The following GABBR1 variants were observed in gnomAD, a reference collection of about 807,000 sequenced individuals.
GABBR1 encodes gamma-aminobutyric acid type B receptor subunit 1.
GABBR1 carries 35 observed loss-of-function variants against 117.7 expected under a neutral mutation model. The ratio of observed to expected loss-of-function variants is 0.30; its 90% CI spans 0.23 to 0.39. The LOEUF is 0.39. GABBR1 is among the 10% of genes least tolerant of loss of function. The pLI is 1.00. For synonymous variants in GABBR1, 442 were observed against 486.6 expected (o/e 0.91, Z 1.21); for missense variants, 709 against 1,241.8 (o/e 0.57, Z 6.45).
Position 29,612,612 on chromosome 6 carries a change from G to A in GABBR1, c.1569C>T (p.Gly523=), listed in dbSNP as rs774160632. 6.8e-6 allele frequency: 11 copies of A among 1,613,598 alleles called. No individual in the cohort carries two copies. In the African/African-American group the frequency reaches 1.2e-4, roughly 18 times the overall value. ...AGCCGCTGGCATCAAACACCACATG[G>A]CCCTGAGGGAAGGAACATGTGGAGC... The part of the protein sequence containing the change: ...MNSSSFEGVS[G]HVVFDASGSR... The change falls in exon 13 of 23, where the codon GGC becomes GGT. Residue 523 remains glycine, a splice_region_variant and synonymous_variant. Coordinates refer to ENST00000377034, the MANE Select transcript of GABBR1 (RefSeq NM_001470.4).
Position 29,622,248 on chromosome 6 carries a change from A to G in GABBR1, c.964-43T>C. ...AACAAGTTGGAAAAACACGGGGTGC[A>G]TGAGGGAATAAAGACCAGAGAGGTT... On this transcript the variant is annotated intron_variant, in intron 8 of 22. Coordinates refer to ENST00000377034, the MANE Select transcript of GABBR1 (RefSeq NM_001470.4). The surrounding 1 kb of genome is among the most constrained non-coding windows in gnomAD (Gnocchi z 4.6). 7.6e-7 allele frequency: 1 copy of G among 1,323,916 alleles called. No individual in the cohort carries two copies. Among genetic ancestry groups the G allele is most frequent in the Non-Finnish European group, 1.1e-6 (1 of 917,998 alleles). The allele number at this position is 1,323,916 out of a possible 1,614,324, so 82.0% of individuals were successfully genotyped here.
chr6:29,623,410 C>A lies in GABBR1; in HGVS notation c.858G>T (p.Thr286=). 1 of 1,613,946 alleles carries A rather than the reference C, an allele frequency of 6.2e-7. No individual in the cohort carries two copies. Among genetic ancestry groups the A allele is most frequent in the Non-Finnish European group, 8.5e-7 (1 of 1,179,980 alleles). ...GGTTGTGGAGTGTGGCTGATGGGTG[C>A]GTTCGGAAGAAAGTGGGGAAACGCT... The part of the protein sequence containing the change: ...NRQRFPTFFR[T]HPSATLHNPT... The change falls in exon 8 of 23, where the codon ACG becomes ACT. Residue 286 remains threonine (T), a synonymous_variant. Coordinates refer to ENST00000377034, the MANE Select transcript of GABBR1 (RefSeq NM_001470.4). The surrounding 1 kb of genome is among the most constrained non-coding windows in gnomAD (Gnocchi z 6.2).
At position 29,608,332 on chromosome 6, in the gene GABBR1, C is replaced by A. The variant is rs1762169408; in HGVS notation, c.1992+269G>T. On this transcript the variant is annotated intron_variant, in intron 16 of 22. Coordinates refer to ENST00000377034, the MANE Select transcript of GABBR1 (RefSeq NM_001470.4). ...CCTTTGAGCAGATCCCCTTCCTTTG[C>A]CTTCAATGGCTCCCTCCTCTTCTCT... 4 of 369,488 alleles carry A rather than the reference C, an allele frequency of 1.1e-5. No homozygotes were observed. The South Asian group carries it at 1.4e-4, about 13-fold the overall frequency. The allele number at this position is 369,488 out of a possible 1,614,324, so 22.9% of individuals were successfully genotyped here. A position where few individuals can be genotyped will look rare whatever the true frequency, so the allele number is the denominator to read the frequency against.
Position 29,605,941 on chromosome 6 carries a change from G to T in GABBR1, c.2312-245C>A, listed in dbSNP as rs1761908185. On this transcript the variant is annotated intron_variant, in intron 19 of 22. Coordinates refer to ENST00000377034, the MANE Select transcript of GABBR1 (RefSeq NM_001470.4). The surrounding 1 kb of genome is among the most constrained non-coding windows in gnomAD (Gnocchi z 4.2). The stretch of plus-strand genomic sequence containing the variant: ...AAGCAATGGTGGCAAGCTGCTGTCA[G>T]TCAGGCAAGGGCTTGTTGAATATCT... 1 of 578,372 alleles carries T rather than the reference G, an allele frequency of 1.7e-6. No individual in the cohort carries two copies. The highest frequency in any genetic ancestry group is 2.1e-5 in the South Asian group (1 of 47,338). The allele number at this position is 578,372 out of a possible 1,614,324, so 35.8% of individuals were successfully genotyped here. A position where few individuals can be genotyped will look rare whatever the true frequency, so the allele number is the denominator to read the frequency against.
At position 29,627,884 on chromosome 6, in the gene GABBR1, C is replaced by T. The variant is rs1764488507; in HGVS notation, c.497-238G>A. On this transcript the variant is annotated intron_variant, in intron 5 of 22. Transcript: ENST00000377034. This position sits in a 1 kb window ranked among gnomAD's most constrained non-coding sequence, Gnocchi z 4.4. ...GGCTGCTAAGAGGGTGCCGGGGAGGCGCCTCCATCCCTGATTTTGTGGGGA... is the reference window on the plus strand; with the variant it reads ...GGCTGCTAAGAGGGTGCCGGGGAGGTGCCTCCATCCCTGATTTTGTGGGGA... 2 of 1,358,674 alleles carry T rather than the reference C, an allele frequency of 1.5e-6. No individual in the cohort carries two copies. Among genetic ancestry groups the T allele is most frequent in the Non-Finnish European group, 9.4e-7 (1 of 1,063,564 alleles). The allele number at this position is 1,358,674 out of a possible 1,614,324, so 84.2% of individuals were successfully genotyped here. A position where few individuals can be genotyped will look rare whatever the true frequency, so the allele number is the denominator to read the frequency against.
chr6:29,606,172 G>T lies in GABBR1; in HGVS notation c.2311+219C>A. ...TGCTGAACACAAGTTCTTCATCTGTGCTTTCTGTGCTTTGGGCCCTAAGCT... is the reference window on the plus strand; with the variant it reads ...TGCTGAACACAAGTTCTTCATCTGTTCTTTCTGTGCTTTGGGCCCTAAGCT... On this transcript the variant is annotated intron_variant, in intron 19 of 22. Coordinates refer to ENST00000377034, the MANE Select transcript of GABBR1 (RefSeq NM_001470.4). The surrounding 1 kb of genome is among the most constrained non-coding windows in gnomAD (Gnocchi z 4.5). 1 of 576,020 alleles carries T rather than the reference G, an allele frequency of 1.7e-6. No individual in the cohort carries two copies. The highest frequency in any genetic ancestry group is 3.1e-6 in the Non-Finnish European group (1 of 323,724). The allele number at this position is 576,020 out of a possible 1,614,324, so 35.7% of individuals were successfully genotyped here.
rs1764009114 is a variant in GABBR1, at chr6:29,623,889, C to T, written c.792+1G>A. On this transcript the variant is annotated splice_donor_variant, in intron 7 of 22. Transcript: ENST00000377034. LOFTEE classifies it high-confidence loss of function. The surrounding 1 kb of genome is among the most constrained non-coding windows in gnomAD (Gnocchi z 6.2). ...CTTCTGACCCCCATAGCCCTGCTTA[C>T]CACAATGAGGTTCCACATCCTAGCA... The T allele has an allele frequency of 6.2e-7, 1 of 1,612,374 alleles. No individual in the cohort carries two copies. The highest frequency in any genetic ancestry group is 8.5e-7 in the Non-Finnish European group (1 of 1,179,750).
rs1160955922 is a variant in GABBR1, at chr6:29,620,850, T to G, written c.1323+251A>C. Among the ~76,000 whole-genome samples the G allele has an allele frequency of 6.6e-6, 1 of 151,924 alleles. No individual in the cohort carries two copies. Among genetic ancestry groups the G allele is most frequent in the Non-Finnish European group, 1.5e-5 (1 of 67,974 alleles). ...CTCCTCGTCTCCATGGTAACAGCCC[T>G]TCCACTCATCAGGAACCTACTGAAC... On this transcript the variant is annotated intron_variant, in intron 11 of 22. Transcript: ENST00000377034. The surrounding 1 kb of genome is among the most constrained non-coding windows in gnomAD (Gnocchi z 4.5).
chr6:29,631,605 G>A lies in GABBR1; in HGVS notation c.86-6C>T. 2 of 1,613,608 alleles carry A rather than the reference G, an allele frequency of 1.2e-6. No homozygotes were observed. The highest frequency in any genetic ancestry group is 1.7e-6 in the Non-Finnish European group (2 of 1,179,548). On this transcript the variant is annotated splice_polypyrimidine_tract_variant and splice_region_variant and intron_variant, in intron 2 of 22. Coordinates refer to ENST00000377034, the MANE Select transcript of GABBR1 (RefSeq NM_001470.4). This position sits in a 1 kb window ranked among gnomAD's most constrained non-coding sequence, Gnocchi z 5.9. ...CGGGTGTATGATCTGGCAACCTAAG[G>A]GGTGAGTCGGGGAGGCATACAGAGA...
intron 15 of GABBR1, 28 bp from the exon 16 acceptor site, chr6:29,608,761 G>T (rs1424225304): frequency 1.2e-6 from 2 of 1,607,856 alleles, no homozygotes; most frequent in Non-Finnish European, 8.5e-7. Flanking sequence ...AGGGTGAGAG[G>T]GAGAGAGAAT....
chr6:29,627,910 G>A lies in GABBR1; in HGVS notation c.497-264C>T. 13 of 1,362,306 alleles carry A rather than the reference G, an allele frequency of 9.5e-6. No individual in the cohort carries two copies. The highest frequency in any genetic ancestry group is 1.2e-5 in the Non-Finnish European group (13 of 1,066,384). The allele number at this position is 1,362,306 out of a possible 1,614,324, so 84.4% of individuals were successfully genotyped here. A position where few individuals can be genotyped will look rare whatever the true frequency, so the allele number is the denominator to read the frequency against. On this transcript the variant is annotated intron_variant, in intron 5 of 22. Transcript: ENST00000377034. The surrounding 1 kb of genome is among the most constrained non-coding windows in gnomAD (Gnocchi z 4.4). ...GCCTCCATCCCTGATTTTGTGGGGA[G>A]GAGGGGGCGAGGGCCCCGGAGAAGC...
rs952697403 is a variant in GABBR1 at position 29,608,690 on chromosome 6, C to T, written c.1903G>A (p.Val635Met). ...SQPNLNNLTA[V>M]GCSLALAAVF... ...GCAGCTAAAGCCAGTGAGCAGCCCA[C>T]AGCAGTCAGGTTGTTCAGGTTGGGC... The change falls in exon 16 of 23, where the codon GTG becomes ATG. Residue 635 changes from valine to methionine, a missense_variant. This residue lies in a region of GABBR1 where 251 missense variants were observed against 445.3 expected (regional missense o/e 0.56). Transcript: ENST00000377034. 10 of 1,612,966 alleles carry T rather than the reference C, an allele frequency of 6.2e-6. No homozygotes were observed. The highest frequency in any genetic ancestry group is 8.5e-6 in the Non-Finnish European group (10 of 1,180,026).
Position 29,621,788 on chromosome 6 carries a change from A to G in GABBR1, c.1095T>C (p.Leu365=). The G allele has an allele frequency of 6.2e-7, 1 of 1,614,172 alleles. No homozygotes were observed. Among genetic ancestry groups the G allele is most frequent in the Non-Finnish European group, 8.5e-7 (1 of 1,180,030 alleles). The change falls in exon 10 of 23, where the codon CTT becomes CTC. Residue 365 remains leucine (L), a synonymous_variant. Transcript: ENST00000377034. The surrounding 1 kb of genome is among the most constrained non-coding windows in gnomAD (Gnocchi z 5.0). ...CTTTCCGGGCTTCAGTCTCATAGAAAAGTCCCACGATGATTCGGGCATCCT... is the reference window on the plus strand; with the variant it reads ...CTTTCCGGGCTTCAGTCTCATAGAAGAGTCCCACGATGATTCGGGCATCCT... ...KRQDARIIVG[L]FYETEARKVF...
chr6:29,621,346 T>C lies in GABBR1; in HGVS notation c.1132-54A>G. On this transcript the variant is annotated intron_variant, in intron 10 of 22. Coordinates refer to ENST00000377034, the MANE Select transcript of GABBR1 (RefSeq NM_001470.4). The surrounding 1 kb of genome is among the most constrained non-coding windows in gnomAD (Gnocchi z 5.0). ...TTGTTTGCTCATTTGTTTGTTTTTG[T>C]CTTATCTCACTTGATACTATTTAGC... The C allele has an allele frequency of 6.8e-7, 1 of 1,465,732 alleles. No homozygotes were observed. Among genetic ancestry groups the C allele is most frequent in the Non-Finnish European group, 9.4e-7 (1 of 1,059,614 alleles). 90.8% of individuals were successfully genotyped at this position (1,465,732 alleles called of 1,614,324 possible). A position where few individuals can be genotyped will look rare whatever the true frequency, so the allele number is the denominator to read the frequency against.
At position 29,621,438 on chromosome 6, in the gene GABBR1, A is replaced by C; in HGVS notation, c.1132-146T>G. ...ATCTACAAGTCTTGGGGATAGTAGG[A>C]AAGGCTGACAATTCTTCCTTCTAAG... On this transcript the variant is annotated intron_variant, in intron 10 of 22. Transcript: ENST00000377034. This position sits in a 1 kb window ranked among gnomAD's most constrained non-coding sequence, Gnocchi z 5.0. The C allele has an allele frequency of 1.4e-6, 1 of 711,946 alleles. No homozygotes were observed. Among genetic ancestry groups the C allele is most frequent in the Non-Finnish European group, 2.3e-6 (1 of 434,390 alleles). 44.1% of individuals were successfully genotyped at this position (711,946 alleles called of 1,614,324 possible).
chr6:29,610,519 T>C (rs185397270), intron 14 of GABBR1, among the ~76,000 whole-genome samples: 5 of 152,194 alleles, frequency 3.3e-5, no homozygotes, highest in African/African-American at 9.6e-5. Context: ...TCCCTCCTCC[T>C]CCATAGTTTA....
Position 29,622,311 on chromosome 6 carries a change from G to A in GABBR1, c.964-106C>T. 1 of 753,272 alleles carries A rather than the reference G, an allele frequency of 1.3e-6. No homozygotes were observed. 46.7% of individuals were successfully genotyped at this position (753,272 alleles called of 1,614,324 possible). A position where few individuals can be genotyped will look rare whatever the true frequency, so the allele number is the denominator to read the frequency against. ...CAGAGCAATACTCAGATAGAGCAAA[G>A]AAGCAGCCATTCTGAACCTTCCTTC... On this transcript the variant is annotated intron_variant, in intron 8 of 22. Coordinates refer to ENST00000377034, the MANE Select transcript of GABBR1 (RefSeq NM_001470.4). This position sits in a 1 kb window ranked among gnomAD's most constrained non-coding sequence, Gnocchi z 4.6.
In GABBR1 at chr6:29,611,823, CA is replaced by C. The variant is rs528846341; in HGVS notation, c.1630+727del. On this transcript the variant is annotated intron_variant, in intron 13 of 22. Coordinates refer to ENST00000377034, the MANE Select transcript of GABBR1 (RefSeq NM_001470.4). This position sits in a 1 kb window ranked among gnomAD's most constrained non-coding sequence, Gnocchi z 4.6. The stretch of plus-strand genomic sequence containing the variant: ...AAGCTATACACATTGAAGCTTTACA[CA>C]GCAAGGAAATTTGGCAGATTCCCTT... Among the ~76,000 whole-genome samples the C allele has an allele frequency of 6.6e-6, 1 of 151,866 alleles. No individual in the cohort carries two copies. The highest frequency in any genetic ancestry group is 2.1e-4 in the South Asian group (1 of 4,786).
In GABBR1 at chr6:29,623,305, C is replaced by G; in HGVS notation, c.963G>C (p.Ser321=). ...TIQQTTEVFT[S]TLDDLEERVK... ...TACCCCTTGCCCAACCCCTCCTCAC[C>G]GAAGTGAAGACCTCAGTGGTCTGCT... The change falls in exon 8 of 23, where the codon TCG becomes TCC. Residue 321 remains serine, a splice_region_variant and synonymous_variant. Coordinates refer to ENST00000377034, the MANE Select transcript of GABBR1 (RefSeq NM_001470.4). This position sits in a 1 kb window ranked among gnomAD's most constrained non-coding sequence, Gnocchi z 6.2. 1 of 1,612,186 alleles carries G rather than the reference C, an allele frequency of 6.2e-7. No individual in the cohort carries two copies. Among genetic ancestry groups the G allele is most frequent in the Non-Finnish European group, 8.5e-7 (1 of 1,178,512 alleles).
Sources: gnomAD v4.1 joint callset for allele counts (sites outside exome capture counted in the v4.1 genomes callset) on GRCh38, gnomAD v4.1.1 for gene constraint, gnomAD v4.1.1 regional missense constraint, Gnocchi (gnomAD v3.1) non-coding constraint, MANE v1.5 for transcripts, NCBI Gene and HGNC (gene_info 2026-07-23, HGNC 2026-07-21) for gene names.